The following CFAP54 variants were observed in gnomAD, a reference collection of about 807,000 sequenced individuals.
CFAP54 encodes cilia and flagella associated protein 54.
Under a neutral mutation model 370.4 loss-of-function variants are expected in CFAP54, and 290 were observed. That is an observed-to-expected ratio of 0.78 (90% CI 0.71 to 0.86). CFAP54 has a LOEUF of 0.86. Ranked by LOEUF, CFAP54 falls within the 40% of genes least tolerant of loss-of-function variation. The pLI is 0.00. For synonymous variants in CFAP54, 1,206 were observed against 1,236.5 expected (o/e 0.98, Z 0.52); for missense variants, 3,399 against 3,528.7 (o/e 0.96, Z 0.93).
At chr12:96,545,556 G>A (rs552772012) in intron 14 of CFAP54, among the ~76,000 whole-genome samples, 30 of 152,250 alleles carry the variant, frequency 2.0e-4, no homozygotes, top group Admixed American at 6.5e-5. Context: ...CCGTTAACCT[G>A]TTAATCCATT....
chr12:96,725,070 T>A (rs1391803977), intron 50 of CFAP54, among the ~76,000 whole-genome samples: 1 of 152,228 alleles, frequency 6.6e-6, no homozygotes, highest in Non-Finnish European at 1.5e-5. Context: ...GCTGTTTTGG[T>A]TACTGTAGCC....
intron 66 of CFAP54, among the ~76,000 whole-genome samples, chr12:96,835,034 G>A (rs572763126): frequency 5.1e-4 from 78 of 152,020 alleles, no homozygotes; most frequent in African/African-American, 1.8e-3. Flanking sequence ...TTGTCCTGTC[G>A]TCTCTGCAAC....
At chr12:96,618,288 C>G (rs1956444972) in intron 26 of CFAP54, among the ~76,000 whole-genome samples, 1 of 152,110 alleles carries the variant, frequency 6.6e-6, no homozygotes, top group Admixed American at 6.5e-5. Flanking sequence ...CGACATACTC[C>G]AAAACATTGA....
chr12:96,647,500 A>AAAAC (rs1565927578), intron 33 of CFAP54, among the ~76,000 whole-genome samples: 157 of 145,294 alleles, frequency 1.1e-3, no homozygotes, highest in East Asian at 5.8e-3. Flanking sequence ...AAAAAAAGAA[A>AAAAC]TGCCATTGAT....
rs146600432 is a variant in CFAP54 at position 96,526,177 on chromosome 12, A to G, written c.1159-1069A>G. On this transcript the variant is annotated intron_variant, in intron 8 of 67. Coordinates refer to ENST00000524981, the MANE Select transcript of CFAP54 (RefSeq NM_001306084.2). ...AATTATGAGGAAATCTTCCAGCTGG[A>G]TAAGGATTCTAGAAAAGCCTACTAA... 3.0e-3 allele frequency among the ~76,000 whole-genome samples: 454 copies of G among 152,348 alleles called. 1 individual carries two copies. Among genetic ancestry groups the G allele is most frequent in the Middle Eastern group, 0.01 (3 of 294 alleles).
intron 15 of CFAP54, among the ~76,000 whole-genome samples, chr12:96,552,098 T>C (rs898675348): frequency 6.6e-6 from 1 of 151,526 alleles, no homozygotes. Flanking sequence ...AATACAAAAT[T>C]AGCTGGGCAT....
intron 26 of CFAP54, among the ~76,000 whole-genome samples, chr12:96,609,990 T>C (rs1956338496): frequency 1.3e-5 from 2 of 152,244 alleles, no homozygotes. Context: ...AATACAGTTC[T>C]AATTAGAATT....
chr12:96,637,488 T>A (rs1956674871), intron 32 of CFAP54, among the ~76,000 whole-genome samples: 1 of 152,208 alleles, frequency 6.6e-6, no homozygotes, highest in Non-Finnish European at 1.5e-5. Context: ...TCTTGGGATT[T>A]TCTTTTGGTG....
At chr12:96,597,382 C>T (rs1363156649) in intron 25 of CFAP54, among the ~76,000 whole-genome samples, 1 of 151,776 alleles carries the variant, frequency 6.6e-6, no homozygotes, top group Non-Finnish European at 1.5e-5. Flanking sequence ...AGGATGGTAT[C>T]TCATCTTCAC....
At chr12:96,552,580 G>A (rs1955707419) in intron 15 of CFAP54, among the ~76,000 whole-genome samples, 1 of 152,126 alleles carries the variant, frequency 6.6e-6, no homozygotes, top group South Asian at 2.1e-4. Context: ...CCTGACCTCA[G>A]GTGACCTCCT....
chr12:96,699,709 A>G (rs1957471463), intron 45 of CFAP54, among the ~76,000 whole-genome samples: 2 of 152,170 alleles, frequency 1.3e-5, no homozygotes, highest in Non-Finnish European at 2.9e-5. Context: ...CTGATGAAGT[A>G]AGCAGCGTCT....
At chr12:96,649,737 C>T (rs949210606) in intron 34 of CFAP54, among the ~76,000 whole-genome samples, 154 bp from the exon 35 acceptor site, 1 of 152,128 alleles carries the variant, frequency 6.6e-6, no homozygotes, top group African/African-American at 2.4e-5. Context: ...AGAAACTTTC[C>T]CTGGTTCATT....
At chr12:96,835,447 C>G (rs1383538751) in intron 66 of CFAP54, among the ~76,000 whole-genome samples, 1 of 152,134 alleles carries the variant, frequency 6.6e-6, no homozygotes, top group Non-Finnish European at 1.5e-5. Context: ...ACTGGCAACC[C>G]AGCCCCCAGC....
At chr12:96,806,019 C>T (rs896541479) in intron 63 of CFAP54, among the ~76,000 whole-genome samples, 1 of 150,126 alleles carries the variant, frequency 6.7e-6, no homozygotes, top group Admixed American at 6.7e-5. Context: ...CATGGACATG[C>T]ACAGTGGAAT....
Position 96,630,203 on chromosome 12 carries a change from G to A in CFAP54, c.4214G>A (p.Arg1405Lys). The change falls in exon 31 of 68, where the codon AGA becomes AAA. Residue 1405 changes from arginine to lysine, a missense_variant and splice_region_variant. Transcript: ENST00000524981. ...KFKAAVMEIG[R>K]SAEMQQRIRS... ...AAAGCTGCAGTAATGGAAATTGGAA[G>A]AGTAAGTTTCCTATGAGTTTTGAAT... 1 of 1,448,976 alleles carries A rather than the reference G, an allele frequency of 6.9e-7. No individual in the cohort carries two copies. Among genetic ancestry groups the A allele is most frequent in the South Asian group, 1.3e-5 (1 of 79,724 alleles). The allele number at this position is 1,448,976 out of a possible 1,614,324, so 89.8% of individuals were successfully genotyped here. A position where few individuals can be genotyped will look rare whatever the true frequency, so the allele number is the denominator to read the frequency against.
chr12:96,781,266 A>G (rs886926423), intron 60 of CFAP54, among the ~76,000 whole-genome samples: 3 of 152,186 alleles, frequency 2.0e-5, no homozygotes, highest in Non-Finnish European at 2.9e-5. Context: ...AAGAAAAGAC[A>G]TTCAGAAATT....
chr12:96,684,519 G>A, intron 40 of CFAP54, 129 bp from the exon 41 acceptor site: 2 of 683,336 alleles, frequency 2.9e-6, no homozygotes, highest in Non-Finnish European at 5.1e-6. Context: ...TGAAGGCGCT[G>A]TTAACTTGCA....
chr12:96,492,120 G>C (rs941948348), intron 1 of CFAP54, among the ~76,000 whole-genome samples: 1 of 152,120 alleles, frequency 6.6e-6, no homozygotes, highest in Non-Finnish European at 1.5e-5. Flanking sequence ...TCCACTACCA[G>C]CGTTCCAGTC....
chr12:96,862,914 G>A (rs1656809784), intron 67 of CFAP54, among the ~76,000 whole-genome samples: 1 of 152,148 alleles, frequency 6.6e-6, no homozygotes, highest in African/African-American at 2.4e-5. Context: ...CAAGAAAGGT[G>A]CAACAAAGTA....
Sources: gnomAD v4.1 joint callset for allele counts (sites outside exome capture counted in the v4.1 genomes callset) on GRCh38, gnomAD v4.1.1 for gene constraint, MANE v1.5 for transcripts, NCBI Gene and HGNC (gene_info 2026-07-23, HGNC 2026-07-21) for gene names.